The following PCCB variants were observed in gnomAD, a reference collection of about 807,000 sequenced individuals.
PCCB encodes the protein propionyl-CoA carboxylase beta chain, mitochondrial.
A neutral mutation model predicts 60.7 loss-of-function variants in PCCB; 43 were observed. That is an observed-to-expected ratio of 0.71 (90% CI 0.55 to 0.91). The LOEUF (loss-of-function observed/expected upper bound fraction) is 0.91. PCCB is among the 40% of genes least tolerant of loss of function. The pLI, the probability that PCCB is intolerant of heterozygous loss-of-function variation, is 0.00. For missense variants in PCCB, 766 were observed against 702.8 expected (o/e 1.09, Z -1.02); for synonymous variants, 276 against 255.9 (o/e 1.08, Z -0.75).
chr3:136,263,474 G>A (rs2108149247), intron 5 of PCCB, among the ~76,000 whole-genome samples: 1 of 151,550 alleles, frequency 6.6e-6, no homozygotes, highest in East Asian at 2.0e-4. Flanking sequence ...GTTTTGCCAT[G>A]CTGCGCAGGC....
intron 2 of PCCB, 35 bp from the exon 3 acceptor site, chr3:136,256,520 A>T: frequency 6.5e-7 from 1 of 1,532,242 alleles, no homozygotes; most frequent in Non-Finnish European, 9.0e-7. Flanking sequence ...AAGTATTTGG[A>T]TTTTTTAACC....
At chr3:136,299,848 ATGCATGCATATG>A (rs1560019291) in intron 8 of PCCB, among the ~76,000 whole-genome samples, 1 of 151,580 alleles carries the variant, frequency 6.6e-6, no homozygotes, top group Non-Finnish European at 1.5e-5. Context: ...GTGTATGTAT[ATGCATGCATATG>A]TATGTATATG....
rs575876861 is a variant in PCCB at position 136,321,922 on chromosome 3, T to C, written c.1090+4858T>C. 5.2e-4 allele frequency among the ~76,000 whole-genome samples: 79 copies of C among 152,364 alleles called. 1 individual carries two copies. Among genetic ancestry groups the C allele is most frequent in the Admixed American group, 3.1e-3 (48 of 15,304 alleles). On this transcript the variant is annotated intron_variant, in intron 10 of 14. Transcript: ENST00000251654. ...ATTTTCTGTATGGACAATTTTGTCATCTGTGAACAAAGACAGTTTGATTTC... is the reference window on the plus strand; with the variant it reads ...ATTTTCTGTATGGACAATTTTGTCACCTGTGAACAAAGACAGTTTGATTTC...
In PCCB at chr3:136,304,450, C is replaced by T. The variant is rs772290058; in HGVS notation, c.966+3339C>T. 1.6e-4 allele frequency among the ~76,000 whole-genome samples: 19 copies of T among 117,036 alleles called. 5 individuals carry two copies. Among genetic ancestry groups the T allele is most frequent in the Non-Finnish European group, 3.0e-4 (16 of 52,968 alleles). 76.8% of individuals were successfully genotyped at this position (117,036 alleles called of 152,430 possible). A position where few individuals can be genotyped will look rare whatever the true frequency, so the allele number is the denominator to read the frequency against. On this transcript the variant is annotated intron_variant, in intron 9 of 14. Coordinates refer to ENST00000251654, the MANE Select transcript of PCCB (RefSeq NM_000532.5). ...GGGCTGGAGTGCAGTGGCGTGATCT[C>T]GGCTCACTGCAAGCTCTGCCTCCCG...
chr3:136,324,113 GTTTC>G (rs1029088029), intron 10 of PCCB, among the ~76,000 whole-genome samples: 1 of 149,414 alleles, frequency 6.7e-6, no homozygotes, highest in African/African-American at 2.5e-5. Flanking sequence ...TCTTCTTATT[GTTTC>G]TTTCTTTCTT....
At chr3:136,250,733 A>G (rs1559992437) in intron 1 of PCCB, among the ~76,000 whole-genome samples, 175 bp downstream of exon 1, 2 of 152,242 alleles carry the variant, frequency 1.3e-5, no homozygotes, top group Non-Finnish European at 2.9e-5. Context: ...GGGTATAACC[A>G]GCAGAAGCAC....
chr3:136,274,184 ACTTT>A (rs935734475), intron 5 of PCCB, among the ~76,000 whole-genome samples: 2 of 151,272 alleles, frequency 1.3e-5, no homozygotes, highest in Admixed American at 6.6e-5. Flanking sequence ...GTTGTTACTT[ACTTT>A]GTTTTTTTTT....
At chr3:136,294,527 G>C (rs1188849406) in intron 7 of PCCB, among the ~76,000 whole-genome samples, 1 of 151,500 alleles carries the variant, frequency 6.6e-6, no homozygotes, top group African/African-American at 2.4e-5. Context: ...CCAGGCTGGT[G>C]TCAGACTCTT....
At chr3:136,316,122 G>A (rs1220736499) in intron 9 of PCCB, among the ~76,000 whole-genome samples, 1 of 151,454 alleles carries the variant, frequency 6.6e-6, no homozygotes, top group East Asian at 2.0e-4. Flanking sequence ...GGGAGGCAGA[G>A]GTGGGGAAGA....
chr3:136,260,593 T>G lies in PCCB; in HGVS notation c.429+58T>G, dbSNP rs1020228115. 3 of 1,380,436 alleles carry G rather than the reference T, an allele frequency of 2.2e-6. No individual in the cohort carries two copies. The Admixed American group carries it at 5.3e-5, about 24-fold the overall frequency. 85.5% of individuals were successfully genotyped at this position (1,380,436 alleles called of 1,614,324 possible). On this transcript the variant is annotated intron_variant, in intron 4 of 14. Transcript: ENST00000251654. ...CTTTCCTCAGTTACATAGTGCTTAT[T>G]GAGTATCTTTGGGGTACAAGACACT...
intron 3 of PCCB, among the ~76,000 whole-genome samples, chr3:136,258,698 T>C (rs563438268): frequency 6.6e-6 from 1 of 152,294 alleles, no homozygotes; most frequent in African/African-American, 2.4e-5. Context: ...TTTCCTCTTT[T>C]AGGCTAGCGA....
intron 6 of PCCB, among the ~76,000 whole-genome samples, chr3:136,291,929 C>T (rs1438456580): frequency 2.6e-5 from 4 of 152,140 alleles, no homozygotes; most frequent in African/African-American, 7.2e-5. Context: ...CTTGATCTCT[C>T]CGACTTGTCC....
chr3:136,326,465 A>G (rs574062215), intron 10 of PCCB: 3 of 697,720 alleles, frequency 4.3e-6, no homozygotes, highest in African/African-American at 3.5e-5. Flanking sequence ...ATCTGATTGG[A>G]AGCTCTGAGG....
At chr3:136,324,770 C>T (rs530713784) in intron 10 of PCCB, among the ~76,000 whole-genome samples, 1 of 152,312 alleles carries the variant, frequency 6.6e-6, no homozygotes, top group East Asian at 1.9e-4. Context: ...GTCCTTCAGG[C>T]AGCCCACAGA....
At chr3:136,311,497 C>A (rs1178804908) in intron 9 of PCCB, among the ~76,000 whole-genome samples, 3 of 151,898 alleles carry the variant, frequency 2.0e-5, no homozygotes, top group East Asian at 3.9e-4. Flanking sequence ...TCACCACACA[C>A]ACCTGATTTA....
chr3:136,326,270 C>G (rs1271828785), intron 10 of PCCB: 1 of 697,786 alleles, frequency 1.4e-6, no homozygotes, highest in African/African-American at 1.8e-5. Flanking sequence ...GTTGGAAACT[C>G]TTCTAGGAGG....
At chr3:136,252,473 C>T (rs2108131122) in intron 1 of PCCB, 3 of 362,924 alleles carry the variant, frequency 8.3e-6, no homozygotes, top group Non-Finnish European at 1.6e-5. Context: ...TCTTGAACTC[C>T]TGACCTCAGG....
intron 1 of PCCB, among the ~76,000 whole-genome samples, chr3:136,251,089 C>G (rs980379322): frequency 1.3e-5 from 2 of 152,276 alleles, no homozygotes; most frequent in Non-Finnish European, 1.5e-5. Flanking sequence ...AATGCCTGGT[C>G]GAGCTCTTTA....
intron 10 of PCCB, among the ~76,000 whole-genome samples, chr3:136,320,256 G>A (rs1935063647): frequency 6.6e-6 from 1 of 152,166 alleles, no homozygotes; most frequent in East Asian, 1.9e-4. Flanking sequence ...TTTTGATAGG[G>A]ATGGTGTTGA....
Sources: allele counts gnomAD v4.1 joint callset (sites outside exome capture counted in the v4.1 genomes callset), GRCh38; gene constraint gnomAD v4.1.1; transcripts MANE v1.5; gene names NCBI Gene and HGNC (gene_info 2026-07-23, HGNC 2026-07-21).